DAB1: variants seen among roughly 807,000 people sequenced by gnomAD.
The protein encoded by DAB1 is disabled homolog 1.
In DAB1, 15 loss-of-function variants were observed where a neutral mutation model predicts 64.6. The observed-to-expected ratio is 0.23, with a 90% confidence interval of 0.16 to 0.36. DAB1 has a LOEUF of 0.36. Among genes scored for constraint, DAB1 ranks in the 10% least tolerant of loss-of-function variants. The pLI is 1.00. For synonymous variants in DAB1, 235 were observed against 251.9 expected (o/e 0.93, Z 0.64); for missense variants, 596 against 706.7 (o/e 0.84, Z 1.78).
intron 1 of DAB1, among the ~76,000 whole-genome samples, chr1:57,858,632 C>T (rs944641329): frequency 6.6e-6 from 1 of 151,696 alleles, no homozygotes; most frequent in African/African-American, 2.4e-5. Context: ...AGGGAGCCAG[C>T]ACAGTCAGCA....
At chr1:57,133,390 G>A (rs747382478) in intron 4 of DAB1, among the ~76,000 whole-genome samples, 5 of 152,204 alleles carry the variant, frequency 3.3e-5, no homozygotes, top group Non-Finnish European at 5.9e-5. Context: ...TGAGTCAACA[G>A]TCAGGTCAGG....
intron 3 of DAB1, among the ~76,000 whole-genome samples, chr1:58,503,174 T>C: frequency 6.6e-6 from 1 of 152,134 alleles, no homozygotes; most frequent in East Asian, 1.9e-4. Context: ...ATTTTTAGAA[T>C]TTCATTGAGC....
chr1:58,128,297 G>A (rs536264231), intron 5 of DAB1, among the ~76,000 whole-genome samples: 25 of 150,452 alleles, frequency 1.7e-4, no homozygotes, highest in African/African-American at 4.7e-4. Flanking sequence ...TGTGATTTTT[G>A]TACATTGATT....
At chr1:58,030,763 A>G (rs1222666135) in intron 5 of DAB1, among the ~76,000 whole-genome samples, 1 of 152,204 alleles carries the variant, frequency 6.6e-6, no homozygotes, top group Admixed American at 6.5e-5. Context: ...ACATATGGAA[A>G]TAGGCTGCCT....
chr1:57,405,137 C>T (rs1411789629), intron 1 of DAB1, among the ~76,000 whole-genome samples: 2 of 152,140 alleles, frequency 1.3e-5, no homozygotes, highest in African/African-American at 4.8e-5. Flanking sequence ...GGTAGCAGAA[C>T]ATAACAAGCT....
chr1:57,920,354 C>T (rs1249829360), intron 5 of DAB1, among the ~76,000 whole-genome samples: 1 of 152,110 alleles, frequency 6.6e-6, no homozygotes, highest in East Asian at 1.9e-4. Context: ...ACTCTGTTGC[C>T]CAGGCTGGAG....
At chr1:57,026,145 C>A in intron 9 of DAB1, 102 bp from the exon 10 acceptor site, 1 of 857,288 alleles carries the variant, frequency 1.2e-6, no homozygotes, top group South Asian at 1.6e-5. Context: ...TTCTGTTTTT[C>A]ATCATCTCTA....
intron 7 of DAB1, among the ~76,000 whole-genome samples, chr1:57,520,236 C>T (rs1188288500): frequency 6.6e-6 from 1 of 152,106 alleles, no homozygotes; most frequent in Non-Finnish European, 1.5e-5. Flanking sequence ...TTTTTATTTC[C>T]TTTCTTTGTA....
At position 57,523,924 on chromosome 1, in the gene DAB1, C is replaced by CA. The variant is rs202023900; in HGVS notation, n.625+125667dup. Among the ~76,000 whole-genome samples, 134 of 140,744 alleles carry CA rather than the reference C, an allele frequency of 9.5e-4. 1 individual carries two copies. Among genetic ancestry groups the CA allele is most frequent in the Admixed American group, 5.6e-3 (78 of 13,966 alleles). 92.3% of individuals were successfully genotyped at this position (140,744 alleles called of 152,430 possible). ...TGGATGACAGAGCAAGACTCTGTCT[C>CA]AAAAAAAAAGAAAAAGAAACAAAAA... is the stretch of plus-strand genomic sequence containing the variant. On this transcript the variant is annotated intron_variant and non_coding_transcript_variant, in intron 7 of 20. Coordinates refer to the DAB1 transcript ENST00000485760.
intron 10 of DAB1, among the ~76,000 whole-genome samples, chr1:57,024,789 C>T (rs1382411241): frequency 2.0e-5 from 3 of 152,200 alleles, no homozygotes; most frequent in Non-Finnish European, 4.4e-5. Flanking sequence ...CTGCATAGCC[C>T]TGCCGTTCTG....
chr1:57,831,490 C>A (rs901215693), intron 1 of DAB1, among the ~76,000 whole-genome samples: 9 of 151,266 alleles, frequency 5.9e-5, no homozygotes, highest in African/African-American at 2.2e-4. Flanking sequence ...CATTCATAAA[C>A]CATGAAAAAG....
chr1:57,270,000 C>T (rs1670871260), intron 2 of DAB1, among the ~76,000 whole-genome samples: 1 of 152,206 alleles, frequency 6.6e-6, no homozygotes, highest in Non-Finnish European at 1.5e-5. Context: ...TCTGACAATA[C>T]AGCCTGGGAT....
intron 4 of DAB1, among the ~76,000 whole-genome samples, chr1:57,117,945 T>C (rs1439410393): frequency 6.6e-6 from 1 of 152,176 alleles, no homozygotes; most frequent in East Asian, 1.9e-4. Flanking sequence ...TGACCTAGTG[T>C]TCAGCTGGCT....
chr1:57,191,611 C>T lies in DAB1; in HGVS notation c.68-46182G>A, dbSNP rs197658. Among the ~76,000 whole-genome samples the T allele has an allele frequency of 9.9e-3, 1,511 of 152,260 alleles. 29 individuals carry two copies. Among genetic ancestry groups the T allele is most frequent in the African/African-American group, 0.035 (1,448 of 41,542 alleles). On this transcript the variant is annotated intron_variant, in intron 2 of 14. Coordinates refer to ENST00000371236, the MANE Select transcript of DAB1 (RefSeq NM_001365792.1). Reference sequence around the variant, plus strand: ...GTTTAACAGTGTTCTACAACTCATCCTTCAATGGGCTGTACTCAAAGTTCT... The same window carrying T: ...GTTTAACAGTGTTCTACAACTCATCTTTCAATGGGCTGTACTCAAAGTTCT...
chr1:57,501,190 G>A (rs1396740906), intron 7 of DAB1, among the ~76,000 whole-genome samples: 1 of 152,202 alleles, frequency 6.6e-6, no homozygotes, highest in Non-Finnish European at 1.5e-5. Flanking sequence ...ACGTCAAGAG[G>A]TCTTAGAGCT....
chr1:58,311,881 G>C (rs766827075), intron 4 of DAB1, among the ~76,000 whole-genome samples: 1 of 151,306 alleles, frequency 6.6e-6, no homozygotes, highest in Non-Finnish European at 1.5e-5. Flanking sequence ...AACAACATTG[G>C]GGGGTGGGAT....
At chr1:58,373,151 C>T (rs61779008) in intron 3 of DAB1, among the ~76,000 whole-genome samples, 13,958 of 150,900 alleles carry the variant, frequency 0.092, 654 homozygotes, top group Middle Eastern at 0.13. Flanking sequence ...CTAACCAAAG[C>T]ATCCAGCTTA....
At chr1:58,472,847 A>G (rs1463236091) in intron 3 of DAB1, among the ~76,000 whole-genome samples, 1 of 152,204 alleles carries the variant, frequency 6.6e-6, no homozygotes, top group Non-Finnish European at 1.5e-5. Context: ...TTTGGCTCCA[A>G]AATTTTCCTT....
chr1:58,520,401 T>C (rs1022428042), intron 2 of DAB1, among the ~76,000 whole-genome samples: 4 of 151,966 alleles, frequency 2.6e-5, no homozygotes, highest in Admixed American at 6.6e-5. Context: ...AATTTGAAAA[T>C]GGGAAAAATA....
Sources: gnomAD v4.1 joint callset for allele counts (sites outside exome capture counted in the v4.1 genomes callset) on GRCh38, gnomAD v4.1.1 for gene constraint, MANE v1.5 for transcripts, NCBI Gene and HGNC (gene_info 2026-07-23, HGNC 2026-07-21) for gene names.